FSIP1: variants seen among roughly 807,000 people sequenced by gnomAD.
FSIP1 encodes the protein fibrous sheath-interacting protein 1.
In FSIP1, 65 loss-of-function variants were observed where a neutral mutation model predicts 60.9. That is an observed-to-expected ratio of 1.07 (90% confidence interval 0.87 to 1.31). FSIP1 has a LOEUF of 1.31. Ranked by LOEUF, FSIP1 falls within the 40% of genes most tolerant of loss-of-function variation. The pLI is 0.00. For missense variants in FSIP1, 675 were observed against 665.5 expected (o/e 1.01, Z -0.16); for synonymous variants, 209 against 221.2 (o/e 0.94, Z 0.49).
chr15:39,736,482 T>C (rs1020102906), intron 8 of FSIP1, among the ~76,000 whole-genome samples: 5 of 152,198 alleles, frequency 3.3e-5, no homozygotes, highest in African/African-American at 1.2e-4. Context: ...TTTACAAGTT[T>C]AATGTTTCTC....
At chr15:39,632,324 GCAC>G (rs1233507370) in intron 10 of FSIP1, among the ~76,000 whole-genome samples, 1 of 151,946 alleles carries the variant, frequency 6.6e-6, no homozygotes, top group Non-Finnish European at 1.5e-5. Context: ...CTACAGATAC[GCAC>G]CACCATGCCC....
chr15:39,644,134 A>T (rs1892488447), intron 10 of FSIP1, among the ~76,000 whole-genome samples: 1 of 152,220 alleles, frequency 6.6e-6, no homozygotes, highest in Non-Finnish European at 1.5e-5. Flanking sequence ...TTAGTATTTT[A>T]AAAACTCAAT....
chr15:39,611,519 A>AT (rs1891032659), intron 11 of FSIP1, among the ~76,000 whole-genome samples: 1 of 152,228 alleles, frequency 6.6e-6, no homozygotes, highest in African/African-American at 2.4e-5. Flanking sequence ...TGCACAAAAT[A>AT]TAAAAGGAAA....
intron 6 of FSIP1, 58 bp from the exon 7 acceptor site, chr15:39,739,847 G>T: frequency 9.0e-7 from 1 of 1,114,998 alleles, no homozygotes; most frequent in Non-Finnish European, 1.3e-6. Flanking sequence ...TATGCTAAAA[G>T]TTCACTTTAA....
chr15:39,773,264 G>A (rs1219637780), intron 2 of FSIP1, among the ~76,000 whole-genome samples: 2 of 152,208 alleles, frequency 1.3e-5, no homozygotes, highest in Admixed American at 1.3e-4. Flanking sequence ...GATGCTGAAT[G>A]ATTTGCAATC....
chr15:39,680,076 G>A (rs1894099396), intron 10 of FSIP1, among the ~76,000 whole-genome samples: 1 of 152,148 alleles, frequency 6.6e-6, no homozygotes, highest in Non-Finnish European at 1.5e-5. Context: ...GCCAGTGATA[G>A]AACTGGGGAA....
intron 10 of FSIP1, among the ~76,000 whole-genome samples, chr15:39,693,086 G>A (rs1009272897): frequency 6.6e-6 from 1 of 152,232 alleles, no homozygotes; most frequent in Admixed American, 6.5e-5. Context: ...CTGTGATGCC[G>A]CCAAAGTGCT....
chr15:39,705,263 A>G (rs1395955794), intron 10 of FSIP1, among the ~76,000 whole-genome samples: 1 of 152,224 alleles, frequency 6.6e-6, no homozygotes, highest in Non-Finnish European at 1.5e-5. Context: ...TAGGATCATT[A>G]TGCAACTTCA....
intron 10 of FSIP1, among the ~76,000 whole-genome samples, chr15:39,622,585 A>C (rs1218524873): frequency 6.6e-6 from 1 of 152,278 alleles, no homozygotes; most frequent in Non-Finnish European, 1.5e-5. Context: ...TGCTCTAGGC[A>C]TAATACATGT....
intron 3 of FSIP1, 70 bp downstream of exon 3, chr15:39,770,356 TA>T (rs1415981628): frequency 8.3e-7 from 1 of 1,211,760 alleles, no homozygotes; most frequent in Non-Finnish European, 1.1e-6. Flanking sequence ...ACTAACACCT[TA>T]AATATAACAT....
At chr15:39,605,883 A>T (rs561841954) in intron 11 of FSIP1, among the ~76,000 whole-genome samples, 4 of 152,354 alleles carry the variant, frequency 2.6e-5, no homozygotes, top group Admixed American at 2.0e-4. Flanking sequence ...TATGATAGAC[A>T]AGGAAACCAA....
intron 8 of FSIP1, among the ~76,000 whole-genome samples, chr15:39,737,704 T>A (rs536461237): frequency 6.6e-6 from 1 of 152,210 alleles, no homozygotes; most frequent in Middle Eastern, 3.2e-3. Context: ...CAGAGGTACA[T>A]GTGCAGGTTT....
chr15:39,729,233 A>C (rs1187241097), intron 8 of FSIP1, among the ~76,000 whole-genome samples: 4 of 152,226 alleles, frequency 2.6e-5, no homozygotes, highest in Non-Finnish European at 4.4e-5. Context: ...CAATCTCATT[A>C]ATGGGTATAT....
chr15:39,712,996 A>G (rs1478072977), intron 10 of FSIP1, among the ~76,000 whole-genome samples: 1 of 152,244 alleles, frequency 6.6e-6, no homozygotes, highest in Non-Finnish European at 1.5e-5. Context: ...TGTCACTGTC[A>G]GAATATTAGG....
At chr15:39,597,649 G>A (rs951108230), downstream of FSIP1, 1 of 152,132 alleles carries the variant, frequency 6.6e-6, no homozygotes, top group Non-Finnish European at 1.5e-5. Flanking sequence ...AGAATTTGCT[G>A]CGTTTGTGGA....
At chr15:39,757,594 T>A (rs1166716) in intron 5 of FSIP1, among the ~76,000 whole-genome samples, 88,953 of 151,616 alleles carry the variant, frequency 0.59, 26,620 homozygotes, top group African/African-American at 0.69. Context: ...TTTAAGAATT[T>A]AAAAAAAACA....
At chr15:39,696,191 A>C (rs1024043122) in intron 10 of FSIP1, among the ~76,000 whole-genome samples, 3 of 152,236 alleles carry the variant, frequency 2.0e-5, no homozygotes, top group Non-Finnish European at 4.4e-5. Flanking sequence ...AATATTGTAG[A>C]ACAGTAAATA....
intron 5 of FSIP1, among the ~76,000 whole-genome samples, chr15:39,744,431 C>T (rs1455365842): frequency 6.6e-6 from 1 of 152,078 alleles, no homozygotes; most frequent in African/African-American, 2.4e-5. Context: ...AAGCCCATCC[C>T]AAATAAGGAC....
At chr15:39,703,591 A>G (rs887809238) in intron 10 of FSIP1, among the ~76,000 whole-genome samples, 3 of 152,188 alleles carry the variant, frequency 2.0e-5, no homozygotes, top group African/African-American at 7.2e-5. Context: ...TATCCTTAAC[A>G]TTTTCATCTC....
Sources: gnomAD v4.1 joint callset for allele counts (sites outside exome capture counted in the v4.1 genomes callset) on GRCh38, gnomAD v4.1.1 for gene constraint, MANE v1.5 for transcripts, NCBI Gene and HGNC (gene_info 2026-07-23, HGNC 2026-07-21) for gene names.